CDYL2: variants seen among roughly 807,000 people sequenced by gnomAD.
CDYL2 encodes chromodomain Y like 2, also known as chromodomain Y-like protein 2.
CDYL2 carries 23 observed loss-of-function variants against 49.4 expected under a neutral mutation model. The observed-to-expected ratio is 0.47, with a 90% CI of 0.34 to 0.66. The LOEUF (loss-of-function observed/expected upper bound fraction) is 0.66, where lower values mean the gene tolerates loss of function less well. CDYL2 is among the 30% of genes least tolerant of loss of function. The pLI, the probability that CDYL2 is intolerant of heterozygous loss-of-function variation, is 0.01. For missense variants in CDYL2, 678 were observed against 656.4 expected (o/e 1.03, Z -0.36); for synonymous variants, 360 against 268.8 (o/e 1.34, Z -3.32).
intron 1 of CDYL2, among the ~76,000 whole-genome samples, chr16:80,790,598 G>C (rs1907577928): frequency 6.6e-6 from 1 of 152,210 alleles, no homozygotes; most frequent in African/African-American, 2.4e-5. Flanking sequence ...AATTAGCAAT[G>C]TAAATATCAA....
At chr16:80,763,911 G>A (rs1482361822) in intron 1 of CDYL2, among the ~76,000 whole-genome samples, 1 of 152,024 alleles carries the variant, frequency 6.6e-6, no homozygotes, top group East Asian at 1.9e-4. Flanking sequence ...TGTGTGTCAA[G>A]GAGTTAAAAA....
intron 3 of CDYL2, among the ~76,000 whole-genome samples, chr16:80,631,909 G>C (rs915274914): frequency 1.3e-5 from 2 of 152,168 alleles, no homozygotes; most frequent in Non-Finnish European, 2.9e-5. Context: ...CGAGGATACA[G>C]AGAACCTAGA....
chr16:80,710,502 G>C (rs1904559279), intron 1 of CDYL2, among the ~76,000 whole-genome samples: 1 of 152,194 alleles, frequency 6.6e-6, no homozygotes, highest in Admixed American at 6.5e-5. Flanking sequence ...ATGTGCGTGT[G>C]TTTGTGTGCA....
chr16:80,627,598 T>G (rs1266940480), intron 3 of CDYL2: 1 of 152,224 alleles, frequency 6.6e-6, no homozygotes, highest in South Asian at 2.1e-4. Context: ...GATTCTACCT[T>G]CTTGAAAGAC....
At chr16:80,786,188 G>A (rs995272337) in intron 1 of CDYL2, among the ~76,000 whole-genome samples, 3 of 152,186 alleles carry the variant, frequency 2.0e-5, no homozygotes, top group Non-Finnish European at 4.4e-5. Context: ...CCTACACAAT[G>A]GGAGAAAATT....
At chr16:80,670,913 C>T (rs1387315594) in intron 2 of CDYL2, 1 of 456,032 alleles carries the variant, frequency 2.2e-6, no homozygotes, top group Non-Finnish European at 4.4e-6. Context: ...GCTCTATACA[C>T]AGGGGCTTGC....
chr16:80,715,752 C>A (rs1273514928), intron 1 of CDYL2, among the ~76,000 whole-genome samples: 1 of 152,202 alleles, frequency 6.6e-6, no homozygotes, highest in Admixed American at 6.5e-5. Context: ...TCTACCTGCA[C>A]TTCCTGCCCC....
rs1043273110 is a variant in CDYL2, at chr16:80,602,099, T to A, written c.*2289A>T. 2 of 152,172 alleles carry A rather than the reference T, an allele frequency of 1.3e-5. No homozygotes were observed. Among genetic ancestry groups the A allele is most frequent in the Non-Finnish European group, 2.9e-5 (2 of 68,026 alleles). The allele number at this position is 152,172 out of a possible 1,614,324, so 9.4% of individuals were successfully genotyped here. ...AGAGGGGGCTCTTTCTAATGAAAATTTAGCAGTAGTGAAGACACTGTCTGC... is the reference window on the plus strand; with the variant it reads ...AGAGGGGGCTCTTTCTAATGAAAATATAGCAGTAGTGAAGACACTGTCTGC... On this transcript the variant is annotated 3_prime_UTR_variant, in exon 7 of 7. Transcript: ENST00000570137.
chr16:80,758,636 T>C (rs71400114), intron 1 of CDYL2, among the ~76,000 whole-genome samples: 96 of 147,128 alleles, frequency 6.5e-4, no homozygotes, highest in Non-Finnish European at 1.0e-3. Context: ...TCTGCCTCCC[T>C]GGTTCACGCC....
At chr16:80,728,704 C>T (rs1905239202) in intron 1 of CDYL2, among the ~76,000 whole-genome samples, 1 of 151,992 alleles carries the variant, frequency 6.6e-6, no homozygotes, top group East Asian at 1.9e-4. Context: ...AGAGAAAGGT[C>T]GGGTTACCCA....
chr16:80,726,212 A>G (rs1264452859), intron 1 of CDYL2, among the ~76,000 whole-genome samples: 2 of 152,340 alleles, frequency 1.3e-5, no homozygotes, highest in African/African-American at 2.4e-5. Flanking sequence ...TTCCACATAC[A>G]TGTTGCAAAG....
intron 1 of CDYL2, among the ~76,000 whole-genome samples, chr16:80,728,918 A>G (rs2142536368): frequency 6.6e-6 from 1 of 151,550 alleles, no homozygotes; most frequent in East Asian, 1.9e-4. Flanking sequence ...TTTTGTCACC[A>G]CCAGGCCTGC....
intron 1 of CDYL2, among the ~76,000 whole-genome samples, chr16:80,695,300 C>T (rs931431245): frequency 6.6e-6 from 1 of 152,172 alleles, no homozygotes; most frequent in African/African-American, 2.4e-5. Flanking sequence ...TATCACTATA[C>T]AAAACCACAA....
At chr16:80,604,635 TC>T in intron 6 of CDYL2, 89 bp from the exon 7 acceptor site, 1 of 1,377,430 alleles carries the variant, frequency 7.3e-7, no homozygotes, top group Non-Finnish European at 1.0e-6. Context: ...CTGGCCAACC[TC>T]CCATACTCAC....
At chr16:80,662,375 C>A (rs938381478) in intron 2 of CDYL2, among the ~76,000 whole-genome samples, 3 of 152,190 alleles carry the variant, frequency 2.0e-5, no homozygotes, top group African/African-American at 7.2e-5. Flanking sequence ...CCCTTCCTCC[C>A]TTCCCCACTT....
chr16:80,706,554 G>A (rs1441685385), intron 1 of CDYL2, among the ~76,000 whole-genome samples: 3 of 152,288 alleles, frequency 2.0e-5, no homozygotes, highest in South Asian at 2.1e-4. Context: ...CATGACTGAG[G>A]CTGGCTTCTG....
intron 1 of CDYL2, among the ~76,000 whole-genome samples, chr16:80,771,627 C>T (rs984002923): frequency 2.6e-5 from 4 of 151,896 alleles, no homozygotes; most frequent in Admixed American, 6.6e-5. Context: ...ATCACCTGAA[C>T]GCAGAAAATC....
intron 2 of CDYL2, among the ~76,000 whole-genome samples, 187 bp downstream of exon 2, chr16:80,684,351 G>A (rs759405701): frequency 8.5e-5 from 13 of 152,168 alleles, no homozygotes; most frequent in Admixed American, 5.9e-4. Flanking sequence ...ATGCATGAGG[G>A]TCTGTAACCA....
chr16:80,784,481 T>A (rs1907369753), intron 1 of CDYL2, among the ~76,000 whole-genome samples: 1 of 152,206 alleles, frequency 6.6e-6, no homozygotes, highest in Non-Finnish European at 1.5e-5. Context: ...CGAGAATTCT[T>A]CCCAGTAACA....
Sources: gnomAD v4.1 joint callset for allele counts (sites outside exome capture counted in the v4.1 genomes callset) on GRCh38, gnomAD v4.1.1 for gene constraint, MANE v1.5 for transcripts, NCBI Gene and HGNC (gene_info 2026-07-23, HGNC 2026-07-21) for gene names.